RASSF5: variants seen among roughly 807,000 people sequenced by gnomAD.
RASSF5 encodes the protein ras association domain-containing protein 5.
A neutral mutation model predicts 40.5 loss-of-function variants in RASSF5; 25 were observed. The ratio of observed to expected loss-of-function variants is 0.62; its 90% CI spans 0.45 to 0.86. RASSF5 has a LOEUF of 0.86. Ranked by LOEUF, RASSF5 falls within the 40% of genes least tolerant of loss-of-function variation. The pLI is 0.00. For missense variants in RASSF5, 521 were observed against 572.8 expected, an observed-to-expected ratio of 0.91 and a Z score of 0.92; for synonymous variants, 246 against 252.4, an observed-to-expected ratio of 0.97 and a Z score of 0.24.
chr1:206,564,822 C>T (rs545553799), intron 2 of RASSF5, among the ~76,000 whole-genome samples: 9 of 152,242 alleles, frequency 5.9e-5, no homozygotes, highest in East Asian at 1.9e-4. Flanking sequence ...TAAAGTGCCA[C>T]GAATCAGGAG....
chr1:206,573,356 T>A (rs1668519472), intron 2 of RASSF5, among the ~76,000 whole-genome samples: 1 of 152,112 alleles, frequency 6.6e-6, no homozygotes, highest in Non-Finnish European at 1.5e-5. Context: ...GACCATGTAG[T>A]GAGTAATAGG....
At chr1:206,538,658 G>A (rs954250879) in intron 2 of RASSF5, among the ~76,000 whole-genome samples, 1 of 152,216 alleles carries the variant, frequency 6.6e-6, no homozygotes, top group African/African-American at 2.4e-5. Context: ...GGCATCTCAA[G>A]CACATTGTCC....
At position 206,560,527 on chromosome 1, in the gene RASSF5, G is replaced by A. The variant is rs564738631; in HGVS notation, c.579+22234G>A. ...CCACGTGCCTCCTTTGAGAGGGGCC[G>A]GGGACTTGGTTTTGAATCATACCAC... On this transcript the variant is annotated intron_variant, in intron 2 of 5. Transcript: ENST00000579436. The surrounding 1 kb of genome is among the most constrained non-coding windows in gnomAD (Gnocchi z 5.1). Among the ~76,000 whole-genome samples, 2 of 152,314 alleles carry A rather than the reference G, an allele frequency of 1.3e-5. No individual in the cohort carries two copies. Among genetic ancestry groups the A allele is most frequent in the East Asian group, 3.9e-4 (2 of 5,182 alleles).
chr1:206,562,005 A>G (rs1330950026), intron 2 of RASSF5, among the ~76,000 whole-genome samples: 2 of 151,740 alleles, frequency 1.3e-5, no homozygotes, highest in African/African-American at 4.8e-5. Context: ...TAGAAAACAC[A>G]CTCCCATGCC....
chr1:206,570,078 CTTTTTTTTTTTTTTT>C (rs375900760), intron 2 of RASSF5, among the ~76,000 whole-genome samples: 1 of 119,378 alleles, frequency 8.4e-6, no homozygotes, highest in African/African-American at 3.3e-5. Flanking sequence ...TAAAATTTAC[CTTTTTTTTTTTTTTT>C]TTTTTTTTTT....
At chr1:206,533,049 T>A (rs1042817656) in intron 1 of RASSF5, among the ~76,000 whole-genome samples, 12 of 152,190 alleles carry the variant, frequency 7.9e-5, no homozygotes, top group African/African-American at 2.9e-4. Flanking sequence ...AGGGGAGGTT[T>A]GTAGCTTCTA....
intron 3 of RASSF5, 138 bp downstream of exon 3, chr1:206,583,517 G>C (rs782393575): frequency 2.8e-4 from 181 of 648,412 alleles, no homozygotes; most frequent in Non-Finnish European, 3.5e-4. Context: ...AGGCCTCCGG[G>C]GTCTGGAAGG....
At position 206,557,732 on chromosome 1, in the gene RASSF5, G is replaced by A. The variant is rs112833004; in HGVS notation, c.579+19439G>A. 4.6e-3 allele frequency: 7,294 copies of A among 1,602,680 alleles called. 261 individuals are homozygous for A. The African/African-American group carries it at 0.083, about 18-fold the overall frequency. Reference sequence around the variant, plus strand: ...TGGAATGCAGGAGCCTTTCGTGGGGGGAAATAACCTCTGTGGTCAATCTAG... The same window carrying A: ...TGGAATGCAGGAGCCTTTCGTGGGGAGAAATAACCTCTGTGGTCAATCTAG... On this transcript the variant is annotated intron_variant, in intron 2 of 5. Transcript: ENST00000579436.
chr1:206,542,716 C>G (rs1553399552), intron 2 of RASSF5: 3 of 152,118 alleles, frequency 2.0e-5, no homozygotes, highest in Admixed American at 6.5e-5. Context: ...CACCTGTCTA[C>G]TATTTACTTA....
intron 2 of RASSF5, among the ~76,000 whole-genome samples, chr1:206,571,831 T>C (rs528076959): frequency 6.6e-6 from 1 of 152,194 alleles, no homozygotes; most frequent in African/African-American, 2.4e-5. Flanking sequence ...TAGCTGGAAA[T>C]CCAAGGAGGA....
rs114373875 is a variant in RASSF5 at position 206,527,127 on chromosome 1, T to C, written c.458-11045T>C. Among the ~76,000 whole-genome samples the C allele has an allele frequency of 9.9e-3, 1,504 of 152,268 alleles. 23 individuals carry two copies. Among genetic ancestry groups the C allele is most frequent in the African/African-American group, 0.034 (1,428 of 41,548 alleles). On this transcript the variant is annotated intron_variant, in intron 1 of 5. Transcript: ENST00000579436. ...CATGTGACTCCAGAGTCCAGATTCA[T>C]TGCACGCCCCAGCACCCGATTGAGT... is the stretch of plus-strand genomic sequence containing the variant.
At chr1:206,534,745 T>C (rs1553398415) in intron 1 of RASSF5, among the ~76,000 whole-genome samples, 4 of 152,076 alleles carry the variant, frequency 2.6e-5, no homozygotes, top group Admixed American at 1.3e-4. Flanking sequence ...TGAGCCTGGG[T>C]TTCCCAGGTT....
Position 206,566,073 on chromosome 1 carries a change from TTCATGC to T in RASSF5, c.580-17195_580-17190del, listed in dbSNP as rs1216194435. 3.9e-5 allele frequency among the ~76,000 whole-genome samples: 6 copies of T among 152,308 alleles called. No individual in the cohort carries two copies. In the East Asian group the frequency reaches 1.2e-3, roughly 29 times the overall value. ...AAGCAGGGAGGGAGGCAGCAGAGTG[TTCATGC>T]CTGACAGATGTCGCTGGCGGAATTT... On this transcript the variant is annotated intron_variant, in intron 2 of 5. Transcript: ENST00000579436.
In RASSF5 at chr1:206,579,137, A is replaced by G. The variant is rs1403846303; in HGVS notation, c.580-4132A>G. Among the ~76,000 whole-genome samples the G allele has an allele frequency of 6.6e-6, 1 of 152,168 alleles. No individual in the cohort carries two copies. The highest frequency in any genetic ancestry group is 2.4e-5 in the African/African-American group (1 of 41,426). On this transcript the variant is annotated intron_variant, in intron 2 of 5. Transcript: ENST00000579436. The surrounding 1 kb of genome is among the most constrained non-coding windows in gnomAD (Gnocchi z 4.2). ...ATTGCCCTTTTCCACCGCATAGGAC[A>G]TGTGAGCACAAACCTGTTTTTCACC...
chr1:206,532,073 T>C (rs960841288), intron 1 of RASSF5, among the ~76,000 whole-genome samples: 2 of 152,082 alleles, frequency 1.3e-5, no homozygotes, highest in South Asian at 4.1e-4. Context: ...AAAAAATCTT[T>C]GGTAAATTGT....
At chr1:206,522,034 T>C (rs572923004) in intron 1 of RASSF5, among the ~76,000 whole-genome samples, 1 of 152,350 alleles carries the variant, frequency 6.6e-6, no homozygotes, top group East Asian at 1.9e-4. Flanking sequence ...TTAAATTATT[T>C]TTTTTTTCTT....
intron 2 of RASSF5, chr1:206,581,295 T>C (rs1930436): frequency 0.82 from 124,659 of 152,516 alleles, 51,158 homozygotes; most frequent in East Asian, 1. Flanking sequence ...AACGATGCCA[T>C]GATGGAAAGA....
At chr1:206,548,514 A>T (rs1385570498) in intron 2 of RASSF5, among the ~76,000 whole-genome samples, 2 of 152,134 alleles carry the variant, frequency 1.3e-5, no homozygotes, top group Non-Finnish European at 2.9e-5. Flanking sequence ...CTCAACCTAG[A>T]CACCTCCCGC....
chr1:206,556,653 C>T (rs1667995060), intron 2 of RASSF5, among the ~76,000 whole-genome samples: 1 of 152,214 alleles, frequency 6.6e-6, no homozygotes, highest in Non-Finnish European at 1.5e-5. Context: ...AGGCAGCTTG[C>T]TCTCTAGGTT....
Sources: allele counts gnomAD v4.1 joint callset (sites outside exome capture counted in the v4.1 genomes callset), GRCh38; gene constraint gnomAD v4.1.1; non-coding constraint Gnocchi (gnomAD v3.1); transcripts MANE v1.5; gene names NCBI Gene and HGNC (gene_info 2026-07-23, HGNC 2026-07-21).